Variants in STXBP5L observed in about 807,000 individuals in gnomAD.
The protein encoded by STXBP5L is syntaxin-binding protein 5-like.
STXBP5L carries 65 observed loss-of-function variants against 144.5 expected under a neutral mutation model. That is an observed-to-expected ratio of 0.45 (90% CI 0.37 to 0.55). The LOEUF is 0.55. STXBP5L is among the 20% of genes least tolerant of loss of function. The pLI is 0.00. For synonymous variants in STXBP5L, 505 were observed against 469.6 expected (o/e 1.08, Z -0.97); for missense variants, 1,298 against 1,405.5 (o/e 0.92, Z 1.22).
At chr3:121,190,283 C>T (rs569832093) in intron 9 of STXBP5L, among the ~76,000 whole-genome samples, 86 of 152,286 alleles carry the variant, frequency 5.6e-4, no homozygotes, top group Middle Eastern at 3.4e-3. Flanking sequence ...TGCCTTCAAG[C>T]ATCTGTTTAA....
At chr3:121,089,305 A>T (rs563853881) in intron 5 of STXBP5L, among the ~76,000 whole-genome samples, 1 of 151,764 alleles carries the variant, frequency 6.6e-6, no homozygotes, top group Non-Finnish European at 1.5e-5. Context: ...AAAAATTTTT[A>T]GTTTTCCTTT....
At chr3:121,360,595 A>C (rs2045683440) in intron 20 of STXBP5L, among the ~76,000 whole-genome samples, 1 of 152,066 alleles carries the variant, frequency 6.6e-6, no homozygotes, top group Admixed American at 6.5e-5. Flanking sequence ...ACCATGAGGC[A>C]TGCGAATACT....
intron 9 of STXBP5L, among the ~76,000 whole-genome samples, chr3:121,170,849 G>A (rs1181167957): frequency 6.6e-6 from 1 of 152,176 alleles, no homozygotes; most frequent in Admixed American, 6.5e-5. Flanking sequence ...TATGAGGCCA[G>A]CGTCATCCTG....
chr3:121,023,960 G>T (rs375795492), intron 3 of STXBP5L, among the ~76,000 whole-genome samples: 1 of 151,964 alleles, frequency 6.6e-6, no homozygotes, highest in Admixed American at 6.6e-5. Context: ...GAGTTTCACC[G>T]TGTTAGCCAG....
intron 3 of STXBP5L, among the ~76,000 whole-genome samples, chr3:120,996,884 C>T (rs923967306): frequency 6.6e-6 from 1 of 152,040 alleles, no homozygotes; most frequent in East Asian, 1.9e-4. Flanking sequence ...GGGATTTGGT[C>T]TACAGATTAT....
At chr3:121,073,708 C>T (rs2041902395) in intron 5 of STXBP5L, among the ~76,000 whole-genome samples, 1 of 152,134 alleles carries the variant, frequency 6.6e-6, no homozygotes, top group East Asian at 1.9e-4. Context: ...GGGATTCTTC[C>T]CCCCTGCCCC....
At chr3:121,304,178 G>T (rs1200326763) in intron 19 of STXBP5L, among the ~76,000 whole-genome samples, 1 of 152,066 alleles carries the variant, frequency 6.6e-6, no homozygotes, top group Non-Finnish European at 1.5e-5. Flanking sequence ...TAAATGACCA[G>T]AATGATATAA....
chr3:121,054,858 C>G (rs940062138), intron 5 of STXBP5L, among the ~76,000 whole-genome samples: 5 of 151,898 alleles, frequency 3.3e-5, no homozygotes, highest in Non-Finnish European at 7.4e-5. Flanking sequence ...GATTTTTCTT[C>G]TAATACTTTG....
At chr3:121,069,857 T>G (rs1472555996) in intron 5 of STXBP5L, among the ~76,000 whole-genome samples, 3 of 152,222 alleles carry the variant, frequency 2.0e-5, no homozygotes, top group African/African-American at 7.2e-5. Context: ...GACGATTTTT[T>G]CATTAAATAA....
chr3:121,337,574 A>C (rs1485854822), intron 20 of STXBP5L, among the ~76,000 whole-genome samples: 3 of 152,072 alleles, frequency 2.0e-5, no homozygotes, highest in Non-Finnish European at 4.4e-5. Flanking sequence ...TTACTACCAG[A>C]CCTAAGAAAA....
intron 3 of STXBP5L, among the ~76,000 whole-genome samples, chr3:120,994,788 C>A (rs184708088): frequency 1.3e-5 from 2 of 151,752 alleles, no homozygotes; most frequent in African/African-American, 4.8e-5. Context: ...GTATTTCTGG[C>A]CTTATACATT....
intron 3 of STXBP5L, among the ~76,000 whole-genome samples, chr3:120,974,928 C>G (rs1379009418): frequency 1.3e-5 from 2 of 152,162 alleles, no homozygotes; most frequent in Non-Finnish European, 2.9e-5. Context: ...CAGTACCATG[C>G]TGTTTTGGTT....
At chr3:121,342,517 T>A (rs563321707) in intron 20 of STXBP5L, among the ~76,000 whole-genome samples, 94 of 102,384 alleles carry the variant, frequency 9.2e-4, no homozygotes, top group Non-Finnish European at 1.7e-3. Context: ...CCCACAACGG[T>A]CCCCAGAGTG....
intron 20 of STXBP5L, among the ~76,000 whole-genome samples, chr3:121,331,055 C>T (rs1431578396): frequency 1.3e-5 from 2 of 152,194 alleles, no homozygotes; most frequent in African/African-American, 4.8e-5. Context: ...CCCAGAAGAG[C>T]AGCATTCACA....
At chr3:121,290,631 G>A (rs1427167835) in intron 19 of STXBP5L, among the ~76,000 whole-genome samples, 2 of 152,072 alleles carry the variant, frequency 1.3e-5, no homozygotes, top group Admixed American at 1.3e-4. Flanking sequence ...TGATATCCCT[G>A]GTGAACGTAC....
intron 7 of STXBP5L, among the ~76,000 whole-genome samples, chr3:121,133,197 C>T (rs1222237719): frequency 6.6e-6 from 1 of 152,070 alleles, no homozygotes; most frequent in African/African-American, 2.4e-5. Flanking sequence ...TGACAAGACC[C>T]TGATTTTATG....
chr3:121,186,979 G>C (rs1394093762), intron 9 of STXBP5L, among the ~76,000 whole-genome samples: 18 of 152,140 alleles, frequency 1.2e-4, no homozygotes, highest in Non-Finnish European at 2.5e-4. Flanking sequence ...CTGTAAACTA[G>C]TTCAACCATT....
chr3:120,989,987 G>C (rs1274787429), intron 3 of STXBP5L, among the ~76,000 whole-genome samples: 1 of 152,074 alleles, frequency 6.6e-6, no homozygotes, highest in Non-Finnish European at 1.5e-5. Flanking sequence ...GAAATAAAGG[G>C]TATTCAATTA....
intron 3 of STXBP5L, among the ~76,000 whole-genome samples, chr3:121,033,439 G>A (rs1468877698): frequency 9.2e-6 from 1 of 109,114 alleles, no homozygotes; most frequent in Admixed American, 1.0e-4. Context: ...GGGGAGGGGG[G>A]AGGGATAGCA....
Sources: allele counts gnomAD v4.1 joint callset (sites outside exome capture counted in the v4.1 genomes callset), GRCh38; gene constraint gnomAD v4.1.1; transcripts MANE v1.5; gene names NCBI Gene and HGNC (gene_info 2026-07-23, HGNC 2026-07-21).